The following ZNF536 variants were observed in gnomAD, a reference collection of about 807,000 sequenced individuals.
ZNF536 encodes the protein zinc finger protein 536.
Under a neutral mutation model 84.5 loss-of-function variants are expected in ZNF536, and 13 were observed. The ratio of observed to expected loss-of-function variants is 0.15; its 90% CI spans 0.10 to 0.24. The LOEUF (loss-of-function observed/expected upper bound fraction) is 0.24, where lower values mean the gene tolerates loss of function less well. Ranked by LOEUF, ZNF536 falls within the 10% of genes least tolerant of loss-of-function variation. ZNF536 has a pLI of 1.00. For synonymous variants in ZNF536, 811 were observed against 742.5 expected (o/e 1.09, Z -1.50); for missense variants, 1,536 against 1,747.5 (o/e 0.88, Z 2.16).
intron 1 of ZNF536, among the ~76,000 whole-genome samples, chr19:30,391,628 T>C (rs1835987): frequency 0.98 from 148,938 of 152,300 alleles, 72,956 homozygotes; most frequent in Non-Finnish European, 0.99. Flanking sequence ...CAGGGTGAAC[T>C]TTATTCCTGG....
At chr19:30,520,053 G>A (rs563170840) in intron 2 of ZNF536, among the ~76,000 whole-genome samples, 1 of 152,302 alleles carries the variant, frequency 6.6e-6, no homozygotes, top group Admixed American at 6.5e-5. Context: ...GCAGGTGGTG[G>A]GCCTGGGGCT....
At chr19:30,704,264 A>T (rs2052123299) in intron 1 of ZNF536, among the ~76,000 whole-genome samples, 1 of 152,184 alleles carries the variant, frequency 6.6e-6, no homozygotes, top group Admixed American at 6.5e-5. Context: ...GGACATTAGC[A>T]TCTTCCTTAC....
chr19:30,576,447 C>A (rs2046740117), intron 1 of ZNF536, among the ~76,000 whole-genome samples: 1 of 152,166 alleles, frequency 6.6e-6, no homozygotes, highest in Non-Finnish European at 1.5e-5. Context: ...ATCTTGGGAG[C>A]CCCAGTTTCA....
intron 1 of ZNF536, among the ~76,000 whole-genome samples, chr19:30,708,964 C>A (rs1190066271): frequency 6.6e-6 from 1 of 152,128 alleles, no homozygotes; most frequent in Non-Finnish European, 1.5e-5. Context: ...AAATGAAACC[C>A]AGCTCTGGGC....
intron 2 of ZNF536, among the ~76,000 whole-genome samples, chr19:30,478,320 C>A (rs1258798779): frequency 6.6e-6 from 1 of 152,110 alleles, no homozygotes; most frequent in Admixed American, 6.5e-5. Flanking sequence ...TAACTCTGCC[C>A]CACGCGGGGT....
At chr19:30,652,822 C>T (rs2049759622) in intron 1 of ZNF536, among the ~76,000 whole-genome samples, 2 of 152,146 alleles carry the variant, frequency 1.3e-5, no homozygotes, top group Non-Finnish European at 2.9e-5. Flanking sequence ...GGGGCGTGGG[C>T]TTGGGGTCAT....
rs150424827 is a variant in ZNF536, at chr19:30,481,598, C to T, written c.2170+35866C>T. On this transcript the variant is annotated intron_variant, in intron 2 of 4. Coordinates refer to ENST00000355537, the MANE Select transcript of ZNF536 (RefSeq NM_014717.3). ...TAAAAAATGCCAGGCAGTGTGCTAACTTATTAAATGGATTTAATCCTTGTA... is the reference window on the plus strand; with the variant it reads ...TAAAAAATGCCAGGCAGTGTGCTAATTTATTAAATGGATTTAATCCTTGTA... Among the ~76,000 whole-genome samples, 140 of 152,358 alleles carry T rather than the reference C, an allele frequency of 9.2e-4. 1 individual carries two copies. Among genetic ancestry groups the T allele is most frequent in the African/African-American group, 3.3e-3 (136 of 41,576 alleles).
intron 1 of ZNF536, among the ~76,000 whole-genome samples, chr19:30,278,962 T>C (rs887698485): frequency 2.0e-4 from 31 of 152,164 alleles, no homozygotes; most frequent in Non-Finnish European, 4.4e-4. Context: ...AAAAAGCCTA[T>C]CTTCATCCAT....
intron 1 of ZNF536, among the ~76,000 whole-genome samples, chr19:30,256,330 G>A (rs2024916650): frequency 6.6e-6 from 1 of 152,218 alleles, no homozygotes; most frequent in African/African-American, 2.4e-5. Context: ...GTTTGCATCT[G>A]TGTAAGTCAT....
At chr19:30,465,971 C>T (rs1040236075) in intron 2 of ZNF536, among the ~76,000 whole-genome samples, 8 of 151,978 alleles carry the variant, frequency 5.3e-5, no homozygotes, top group South Asian at 2.1e-4. Flanking sequence ...AGGATGGTCT[C>T]GATCTCCTGA....
intron 1 of ZNF536, among the ~76,000 whole-genome samples, chr19:30,642,224 G>A (rs2049292807): frequency 6.6e-6 from 1 of 152,164 alleles, no homozygotes; most frequent in Non-Finnish European, 1.5e-5. Flanking sequence ...CCTTTCCTAA[G>A]TAATCTTCAG....
intron 1 of ZNF536, among the ~76,000 whole-genome samples, chr19:30,274,292 C>T (rs1051530193): frequency 4.6e-5 from 7 of 152,210 alleles, no homozygotes; most frequent in Admixed American, 4.6e-4. Context: ...TTGCTAAGCT[C>T]AGAATCTGCA....
intron 2 of ZNF536, among the ~76,000 whole-genome samples, chr19:30,307,821 T>G (rs999529688): frequency 4.6e-5 from 7 of 152,226 alleles, no homozygotes; most frequent in Admixed American, 4.6e-4. Context: ...CTTCTCACTG[T>G]GTTGAAGCTT....
chr19:30,405,544 A>C (rs1323603429), intron 1 of ZNF536, among the ~76,000 whole-genome samples: 1 of 152,018 alleles, frequency 6.6e-6, no homozygotes, highest in Non-Finnish European at 1.5e-5. Flanking sequence ...GAGCCATCAG[A>C]CCAGAGTCTT....
chr19:30,523,683 C>T (rs1404198683), intron 2 of ZNF536, among the ~76,000 whole-genome samples: 1 of 152,022 alleles, frequency 6.6e-6, no homozygotes, highest in African/African-American at 2.4e-5. Context: ...TTTTCATACT[C>T]TGATTTTTTT....
intron 1 of ZNF536, among the ~76,000 whole-genome samples, chr19:30,666,064 C>T (rs770272794): frequency 1.3e-5 from 2 of 152,188 alleles, no homozygotes; most frequent in Non-Finnish European, 2.9e-5. Flanking sequence ...ACCTAGGTAC[C>T]CATGAAGATG....
chr19:30,583,589 C>G (rs1046321963), intron 1 of ZNF536, among the ~76,000 whole-genome samples: 2 of 152,156 alleles, frequency 1.3e-5, no homozygotes, highest in Middle Eastern at 3.2e-3. Flanking sequence ...CTTCCAGAAT[C>G]AAGGCTCCGG....
At position 30,548,061 on chromosome 19, in the gene ZNF536, G is replaced by A. The variant is rs1001099610; in HGVS notation, c.2442G>A (p.Gly814=). 1.2e-6 allele frequency: 2 copies of A among 1,614,016 alleles called. No homozygotes were observed. The highest frequency in any genetic ancestry group is 1.7e-6 in the Non-Finnish European group (2 of 1,180,022). ...AGAACGGGGCTGGGCCGCTGTCTGG[G>A]CAACCCCCAAATCAAGACCACAAGG... ...ERQNGAGPLS[G]QPPNQDHKDE... is the part of the protein sequence containing the mutation. The change falls in exon 4 of 5, where the codon GGG becomes GGA. Residue 814 remains glycine, a synonymous_variant. Coordinates refer to ENST00000355537, the MANE Select transcript of ZNF536 (RefSeq NM_014717.3).
intron 1 of ZNF536, among the ~76,000 whole-genome samples, chr19:30,569,589 T>TTTTTTTTTTTTA: frequency 7.3e-6 from 1 of 136,446 alleles, no homozygotes; most frequent in Admixed American, 7.4e-5. Flanking sequence ...TTTTTTTTTT[T>TTTTTTTTTTTTA]GAGACAGAGT....
Sources: allele counts gnomAD v4.1 joint callset (sites outside exome capture counted in the v4.1 genomes callset), GRCh38; gene constraint gnomAD v4.1.1; transcripts MANE v1.5; gene names NCBI Gene and HGNC (gene_info 2026-07-23, HGNC 2026-07-21).